The following SUZ12 variants were observed in gnomAD, a reference collection of about 807,000 sequenced individuals.
SUZ12 encodes the protein polycomb protein SUZ12.
In SUZ12, 17 loss-of-function variants were observed where a neutral mutation model predicts 87.3. The observed-to-expected ratio is 0.19, with a 90% CI of 0.13 to 0.29. The LOEUF (loss-of-function observed/expected upper bound fraction) is 0.29, where lower values mean the gene tolerates loss of function less well. SUZ12 is among the 10% of genes least tolerant of loss of function. The pLI, the probability that SUZ12 is intolerant of heterozygous loss-of-function variation, is 1.00. For missense variants in SUZ12, 526 were observed against 912.2 expected (o/e 0.58, Z 5.45); for synonymous variants, 253 against 312.4 (o/e 0.81, Z 2.01).
At chr17:31,982,844 G>A (rs1354375513) in intron 8 of SUZ12, among the ~76,000 whole-genome samples, 155 bp from the exon 9 acceptor site, 1 of 152,116 alleles carries the variant, frequency 6.6e-6, no homozygotes, top group Admixed American at 6.6e-5. Flanking sequence ...GCTTTCATCA[G>A]GACTGGAGTG....
intron 4 of SUZ12, among the ~76,000 whole-genome samples, chr17:31,951,061 T>C (rs1336106290): frequency 4.6e-5 from 7 of 152,186 alleles, no homozygotes; most frequent in Non-Finnish European, 8.8e-5. Context: ...ATTACAGGCG[T>C]GAGCCACCGC....
intron 8 of SUZ12, among the ~76,000 whole-genome samples, chr17:31,977,461 A>G (rs1000276368): frequency 3.3e-5 from 5 of 151,928 alleles, no homozygotes; most frequent in Non-Finnish European, 5.9e-5. Context: ...TTGTATTTTC[A>G]GTAGAGACGG....
At chr17:31,939,480 A>G (rs1385565841) in intron 1 of SUZ12, among the ~76,000 whole-genome samples, 3 of 151,644 alleles carry the variant, frequency 2.0e-5, no homozygotes, top group African/African-American at 7.3e-5. Context: ...ATGTCATCAT[A>G]TCTGTATTAG....
At position 31,949,428 on chromosome 17, in the gene SUZ12, T is replaced by A. The variant is rs563891780; in HGVS notation, c.455+1743T>A. Among the ~76,000 whole-genome samples the A allele has an allele frequency of 9.2e-5, 14 of 152,250 alleles. No homozygotes were observed. The South Asian group carries it at 2.9e-3, about 32-fold the overall frequency. ...AAGCCTCTCAAGATTCTTATGAATG[T>A]CTCAGTATTGCTCCCAGAGGCACTA... is the stretch of plus-strand genomic sequence containing the variant. On this transcript the variant is annotated intron_variant, in intron 4 of 15. Coordinates refer to ENST00000322652, the MANE Select transcript of SUZ12 (RefSeq NM_015355.4).
chr17:31,975,064 G>A (rs939076174), intron 6 of SUZ12, among the ~76,000 whole-genome samples: 2 of 152,076 alleles, frequency 1.3e-5, no homozygotes, highest in East Asian at 3.9e-4. Context: ...GGTCCTATTA[G>A]TCACTGTCAT....
chr17:31,939,820 C>T (rs1031701001), intron 1 of SUZ12, among the ~76,000 whole-genome samples: 1 of 152,182 alleles, frequency 6.6e-6, no homozygotes, highest in Non-Finnish European at 1.5e-5. Context: ...GCCACTGCGC[C>T]TGGCCGGCTG....
At chr17:31,995,169 A>G (rs762126726) in intron 13 of SUZ12, among the ~76,000 whole-genome samples, 4 of 152,090 alleles carry the variant, frequency 2.6e-5, no homozygotes, top group Non-Finnish European at 4.4e-5. Flanking sequence ...AAAAATTTTT[A>G]AGGCAGGTGT....
intron 8 of SUZ12, among the ~76,000 whole-genome samples, chr17:31,979,089 C>T (rs543437712): frequency 1.4e-4 from 16 of 116,616 alleles, no homozygotes; most frequent in South Asian, 2.8e-4. Context: ...CTGGTGACAG[C>T]GAGACTGTGT....
At chr17:31,984,173 TATGGTATAAGCATAGGAATAG>T (rs1909278954) in intron 9 of SUZ12, among the ~76,000 whole-genome samples, 1 of 152,214 alleles carries the variant, frequency 6.6e-6, no homozygotes, top group Non-Finnish European at 1.5e-5. Context: ...ACTTAAACCC[TATGGTATAAGCATAGGAATAG>T]ACAAGCATAT....
intron 9 of SUZ12, among the ~76,000 whole-genome samples, chr17:31,984,605 A>G (rs747426268): frequency 1.5e-4 from 23 of 152,264 alleles, no homozygotes; most frequent in Non-Finnish European, 3.1e-4. Context: ...ATATGAATAC[A>G]TAATATTGTG....
intron 9 of SUZ12, among the ~76,000 whole-genome samples, chr17:31,985,662 TTTTG>T (rs891315719): frequency 1.3e-5 from 2 of 151,914 alleles, no homozygotes; most frequent in Admixed American, 1.3e-4. Flanking sequence ...TTTGTTTTTT[TTTTG>T]TTTGTTTTGT....
intron 10 of SUZ12, 94 bp downstream of exon 10, chr17:31,988,591 ATTC>A (rs991330399): frequency 1.5e-5 from 18 of 1,209,672 alleles, no homozygotes; most frequent in South Asian, 3.5e-5. Flanking sequence ...GCTTTATGTG[ATTC>A]TTCTTTTTTT....
chr17:31,956,394 G>A lies in SUZ12; in HGVS notation c.455+8709G>A, dbSNP rs113448273. 6.9e-3 allele frequency among the ~76,000 whole-genome samples: 1,047 copies of A among 152,098 alleles called. 7 individuals carry two copies. Among genetic ancestry groups the A allele is most frequent in the South Asian group, 8.7e-3 (42 of 4,822 alleles). On this transcript the variant is annotated intron_variant, in intron 4 of 15. Coordinates refer to ENST00000322652, the MANE Select transcript of SUZ12 (RefSeq NM_015355.4). ...GTTTTAGTAGAGATGGGGTTTCACC[G>A]TGTTGGCCAGGATGGTCTTGATCTG...
chr17:31,969,247 C>T (rs1343759400), intron 5 of SUZ12, among the ~76,000 whole-genome samples: 18 of 152,120 alleles, frequency 1.2e-4, no homozygotes, highest in Admixed American at 1.1e-3. Flanking sequence ...CGGGTTCAAG[C>T]AATTCTGTTG....
chr17:31,990,958 G>A (rs908503132), intron 10 of SUZ12, among the ~76,000 whole-genome samples: 3 of 151,978 alleles, frequency 2.0e-5, no homozygotes, highest in African/African-American at 7.2e-5. Context: ...CATCACCCAT[G>A]CTGGTCTCAA....
chr17:31,984,308 T>C (rs1030155431), intron 9 of SUZ12, among the ~76,000 whole-genome samples: 6 of 152,230 alleles, frequency 3.9e-5, no homozygotes, highest in African/African-American at 1.4e-4. Context: ...AAAGAGAAAC[T>C]GTTCATTAAT....
intron 5 of SUZ12, among the ~76,000 whole-genome samples, chr17:31,971,806 G>C (rs1364480521): frequency 6.6e-6 from 1 of 152,138 alleles, no homozygotes; most frequent in Non-Finnish European, 1.5e-5. Flanking sequence ...TTGACTAGCA[G>C]TGTATTATCA....
At chr17:31,977,371 C>T (rs1346598047) in intron 8 of SUZ12, among the ~76,000 whole-genome samples, 2 of 151,546 alleles carry the variant, frequency 1.3e-5, no homozygotes, top group African/African-American at 2.4e-5. Flanking sequence ...CCTCTGCCAC[C>T]TGGGTTTGAG....
At chr17:31,951,503 G>T (rs1465752565) in intron 4 of SUZ12, among the ~76,000 whole-genome samples, 15 of 140,940 alleles carry the variant, frequency 1.1e-4, no homozygotes, top group Non-Finnish European at 2.3e-4. Flanking sequence ...TTTTTTTTGA[G>T]ACGGAGTCTC....
Sources: allele counts gnomAD v4.1 joint callset (sites outside exome capture counted in the v4.1 genomes callset), GRCh38; gene constraint gnomAD v4.1.1; transcripts MANE v1.5; gene names NCBI Gene and HGNC (gene_info 2026-07-23, HGNC 2026-07-21).